Variants in HTR6 observed in about 807,000 individuals in gnomAD.
The protein encoded by HTR6 is 5-hydroxytryptamine (serotonin) receptor 6, G protein-coupled.
Under a neutral mutation model 17.4 loss-of-function variants are expected in HTR6, and 15 were observed. The ratio of observed to expected loss-of-function variants is 0.86; its 90% CI spans 0.58 to 1.33. HTR6 has a LOEUF of 1.33. HTR6 is among the 40% of genes most tolerant of loss of function. HTR6 has a pLI of 0.00. For synonymous variants in HTR6, 326 were observed against 295.5 expected (o/e 1.10, Z -1.06); for missense variants, 578 against 616.0 (o/e 0.94, Z 0.65).
intron 1 of HTR6, among the ~76,000 whole-genome samples, chr1:19,673,997 A>T (rs2095091360): frequency 2.0e-5 from 3 of 151,616 alleles, no homozygotes; most frequent in African/African-American, 7.3e-5. Flanking sequence ...CCTCCGGAGT[A>T]GCTGGGGCTA....
intron 1 of HTR6, among the ~76,000 whole-genome samples, chr1:19,674,233 GT>G (rs1557428974): frequency 6.6e-6 from 1 of 152,058 alleles, no homozygotes; most frequent in African/African-American, 2.4e-5. Context: ...GGTGCTTTGT[GT>G]TGGATATTGT....
intron 1 of HTR6, among the ~76,000 whole-genome samples, chr1:19,676,633 G>C (rs1570586301): frequency 3.3e-5 from 5 of 152,280 alleles, no homozygotes; most frequent in Admixed American, 3.3e-4. Flanking sequence ...GAAAGAGCCG[G>C]GGCTGGAGGA....
chr1:19,679,557 C>T lies in HTR6; in HGVS notation c.*189C>T. On this transcript the variant is annotated 3_prime_UTR_variant, in exon 3 of 3. Transcript: ENST00000289753. This position sits in a 1 kb window ranked among gnomAD's most constrained non-coding sequence, Gnocchi z 4.9. ...CCTTACCTGCAGGGATCATAGCTGA[C>T]TCAGATATCGTGTTCTGAAGGATGC... is the stretch of plus-strand genomic sequence containing the variant. 1.3e-6 allele frequency: 1 copy of T among 785,974 alleles called. No individual in the cohort carries two copies. The highest frequency in any genetic ancestry group is 1.9e-6 in the Non-Finnish European group (1 of 517,554). The allele number at this position is 785,974 out of a possible 1,614,324, so 48.7% of individuals were successfully genotyped here.
In HTR6 at chr1:19,679,640, G is replaced by A. The variant is rs116183314; in HGVS notation, c.*272G>A. 1.8e-3 allele frequency: 830 copies of A among 453,984 alleles called. 4 individuals are homozygous for A. The highest frequency in any genetic ancestry group is 0.013 in the African/African-American group (662 of 50,446). The allele number at this position is 453,984 out of a possible 1,614,324, so 28.1% of individuals were successfully genotyped here. A position where few individuals can be genotyped will look rare whatever the true frequency, so the allele number is the denominator to read the frequency against. On this transcript the variant is annotated 3_prime_UTR_variant, in exon 3 of 3. Coordinates refer to ENST00000289753, the MANE Select transcript of HTR6 (RefSeq NM_000871.3). This position sits in a 1 kb window ranked among gnomAD's most constrained non-coding sequence, Gnocchi z 4.9. ...GATGGGCTGGAGGACTCTGGATGTT[G>A]GGGAGAAGGACCTCTTGGTTCAGGT...
At chr1:19,675,792 G>A (rs148991456) in intron 1 of HTR6, among the ~76,000 whole-genome samples, 31 of 152,268 alleles carry the variant, frequency 2.0e-4, no homozygotes, top group Non-Finnish European at 4.0e-4. Context: ...AGGTGTGGCA[G>A]GTCTTAGGAG....
Position 19,665,999 on chromosome 1 carries a change from G to C in HTR6, c.246G>C (p.Pro82=). ...DLMVGLVVMP[P]AMLNALYGRW... ...TGGTGGGGCTGGTGGTGATGCCGCC[G>C]GCCATGCTGAACGCGCTGTACGGGC... is the stretch of plus-strand genomic sequence containing the variant. Residue 82 remains proline, a synonymous_variant, in exon 1 of 3, where the codon CCG becomes CCC. Transcript: ENST00000289753. The surrounding 1 kb of genome is among the most constrained non-coding windows in gnomAD (Gnocchi z 4.2). 1 of 1,613,918 alleles carries C rather than the reference G, an allele frequency of 6.2e-7. No homozygotes were observed. Among genetic ancestry groups the C allele is most frequent in the Non-Finnish European group, 8.5e-7 (1 of 1,179,908 alleles).
chr1:19,666,039 C>G lies in HTR6; in HGVS notation c.286C>G (p.Arg96Gly), dbSNP rs765455452. 1.2e-6 allele frequency: 2 copies of G among 1,613,434 alleles called. No homozygotes were observed. Among genetic ancestry groups the G allele is most frequent in the Non-Finnish European group, 1.7e-6 (2 of 1,179,850 alleles). ...NALYGRWVLA[R>G]GLCLLWTAFD... ...GCTGTACGGGCGCTGGGTGCTGGCG[C>G]GCGGCCTCTGCCTGCTCTGGACCGC... The change falls in exon 1 of 3, where the codon CGC becomes GGC. Residue 96 changes from arginine (R) to glycine (G), a missense_variant. Arg to Gly is a moderately radical substitution (Grantham distance 125). Transcript: ENST00000289753. This position sits in a 1 kb window ranked among gnomAD's most constrained non-coding sequence, Gnocchi z 4.5.
At position 19,665,165 on chromosome 1, in the gene HTR6, G is replaced by T. The variant is rs971029225; in HGVS notation, c.-589G>T. The T allele has an allele frequency of 1.3e-5, 2 of 151,832 alleles. No individual in the cohort carries two copies. The highest frequency in any genetic ancestry group is 2.9e-5 in the Non-Finnish European group (2 of 67,882). The allele number at this position is 151,832 out of a possible 1,614,324, so 9.4% of individuals were successfully genotyped here. A position where few individuals can be genotyped will look rare whatever the true frequency, so the allele number is the denominator to read the frequency against. On this transcript the variant is annotated 5_prime_UTR_variant, in exon 1 of 3. Transcript: ENST00000289753. This position sits in a 1 kb window ranked among gnomAD's most constrained non-coding sequence, Gnocchi z 4.2. ...CCCCCGCGCCGCACAGGCCGTGTGC[G>T]CCGGATCCCGGTGCCTCCGCGCCAG...
intron 1 of HTR6, among the ~76,000 whole-genome samples, chr1:19,673,155 A>G (rs1202521165): frequency 6.6e-6 from 1 of 152,226 alleles, no homozygotes; most frequent in Non-Finnish European, 1.5e-5. Flanking sequence ...TGACAACAAT[A>G]GCTAACACTT....
chr1:19,665,922 C>T lies in HTR6; in HGVS notation c.169C>T (p.Leu57=), dbSNP rs2095080973. 6.2e-7 allele frequency: 1 copy of T among 1,613,332 alleles called. No individual in the cohort carries two copies. Among genetic ancestry groups the T allele is most frequent in the African/African-American group, 1.3e-5 (1 of 74,932 alleles). The change falls in exon 1 of 3, where the codon CTG becomes TTG. Residue 57 remains leucine, a synonymous_variant. Coordinates refer to ENST00000289753, the MANE Select transcript of HTR6 (RefSeq NM_000871.3). This position sits in a 1 kb window ranked among gnomAD's most constrained non-coding sequence, Gnocchi z 4.2. ...LIALICTQPA[L]RNTSNFFLVS... ...CGCGCTCATCTGCACTCAGCCCGCG[C>T]TGCGCAACACGTCCAACTTCTTCCT...
rs2095100077 is a variant in HTR6 at position 19,680,166 on chromosome 1, A to G, written c.*798A>G. 6.6e-6 allele frequency among the ~76,000 whole-genome samples: 1 copy of G among 152,230 alleles called. No homozygotes were observed. Among genetic ancestry groups the G allele is most frequent in the African/African-American group, 2.4e-5 (1 of 41,462 alleles). Reference sequence around the variant, plus strand: ...GCCTATCTTGCAGGTTGTCTTGAGAATTAAGACAATGTGTGCCCAGCACCC... The same window carrying G: ...GCCTATCTTGCAGGTTGTCTTGAGAGTTAAGACAATGTGTGCCCAGCACCC... On this transcript the variant is annotated 3_prime_UTR_variant, in exon 3 of 3. Coordinates refer to ENST00000289753, the MANE Select transcript of HTR6 (RefSeq NM_000871.3).
At chr1:19,672,619 C>A (rs893102587) in intron 1 of HTR6, among the ~76,000 whole-genome samples, 1 of 152,162 alleles carries the variant, frequency 6.6e-6, no homozygotes, top group Non-Finnish European at 1.5e-5. Flanking sequence ...CATAGCTGGA[C>A]GATCTTGGGC....
At chr1:19,674,827 G>A (rs1006529311) in intron 1 of HTR6, among the ~76,000 whole-genome samples, 1 of 152,230 alleles carries the variant, frequency 6.6e-6, no homozygotes, top group African/African-American at 2.4e-5. Flanking sequence ...GTGTTGGCTG[G>A]AAGCTGTATG....
intron 1 of HTR6, among the ~76,000 whole-genome samples, chr1:19,677,822 C>T (rs1199431721): frequency 6.6e-6 from 1 of 152,234 alleles, no homozygotes; most frequent in Non-Finnish European, 1.5e-5. Context: ...ACACTGCAAC[C>T]TCCACCTCCT....
chr1:19,678,585 C>A lies in HTR6; in HGVS notation c.733C>A (p.Pro245Thr), dbSNP rs201929877. The A allele has an allele frequency of 6.2e-7, 1 of 1,612,632 alleles. No homozygotes were observed. The highest frequency in any genetic ancestry group is 2.2e-5 in the East Asian group (1 of 44,866). ...TCCGCAGGTGCCCAGGACCCCACGCCCAGGGGTGGAGTCTGCTGACAGCAG... is the reference window on the plus strand; with the variant it reads ...TCCGCAGGTGCCCAGGACCCCACGCACAGGGGTGGAGTCTGCTGACAGCAG... ...ETLQVPRTPR[P>T]GVESADSRRL... The change falls in exon 2 of 3, where the codon CCA (proline) becomes ACA (threonine). Residue 245 changes from proline (P) to threonine (T), a missense_variant. By Grantham distance (38) the Pro-to-Thr change is conservative (BLOSUM62 -1). Transcript: ENST00000289753.
At position 19,678,616 on chromosome 1, in the gene HTR6, T is replaced by A; in HGVS notation, c.764T>A (p.Leu255Gln). The change falls in exon 2 of 3, where the codon CTA (leucine) becomes CAA (glutamine). Residue 255 changes from leucine (L) to glutamine (Q), a missense_variant. Physicochemically the swap from Leu to Gln is moderately radical, Grantham distance 113. Transcript: ENST00000289753. ...GTGGAGTCTGCTGACAGCAGGCGTC[T>A]AGCCACGAAGCACAGCAGGAAGGCC... Reference protein sequence around the residue: ...PGVESADSRRLATKHSRKALK... With the variant: ...PGVESADSRRQATKHSRKALK... 6.2e-7 allele frequency: 1 copy of A among 1,613,432 alleles called. No homozygotes were observed. Among genetic ancestry groups the A allele is most frequent in the Non-Finnish European group, 8.5e-7 (1 of 1,180,004 alleles).
In HTR6 at chr1:19,678,593, G is replaced by A. The variant is rs1425606938; in HGVS notation, c.741G>A (p.Val247=). The A allele has an allele frequency of 2.2e-5, 36 of 1,612,822 alleles. No homozygotes were observed. Among genetic ancestry groups the A allele is most frequent in the South Asian group, 3.3e-5 (3 of 91,012 alleles). ...TGCCCAGGACCCCACGCCCAGGGGT[G>A]GAGTCTGCTGACAGCAGGCGTCTAG... ...LQVPRTPRPG[V]ESADSRRLAT... The change falls in exon 2 of 3, where the codon GTG becomes GTA. Residue 247 remains valine, a synonymous_variant. Coordinates refer to ENST00000289753, the MANE Select transcript of HTR6 (RefSeq NM_000871.3).
At chr1:19,670,556 C>T (rs1159648718) in intron 1 of HTR6, among the ~76,000 whole-genome samples, 1 of 151,626 alleles carries the variant, frequency 6.6e-6, no homozygotes, top group East Asian at 1.9e-4. Flanking sequence ...CCTCCGCTTC[C>T]CAGGTTCAAG....
At chr1:19,678,769 G>A (rs2100478206) in intron 2 of HTR6, 44 bp downstream of exon 2, 2 of 1,583,674 alleles carry the variant, frequency 1.3e-6, no homozygotes, top group East Asian at 2.3e-5. Flanking sequence ...CCTTGCAGGA[G>A]AGGCCCTGGA....
Sources: gnomAD v4.1 joint callset for allele counts (sites outside exome capture counted in the v4.1 genomes callset) on GRCh38, gnomAD v4.1.1 for gene constraint, Gnocchi (gnomAD v3.1) non-coding constraint, MANE v1.5 for transcripts, NCBI Gene and HGNC (gene_info 2026-07-23, HGNC 2026-07-21) for gene names.